SUMF1: variants seen among roughly 807,000 people sequenced by gnomAD.
SUMF1 encodes formylglycine-generating enzyme.
SUMF1 carries 48 observed loss-of-function variants against 47.6 expected under a neutral mutation model. The ratio of observed to expected loss-of-function variants is 1.01; its 90% CI spans 0.80 to 1.28. SUMF1 has a LOEUF of 1.28. Among genes scored for constraint, SUMF1 ranks in the 50% most tolerant of loss-of-function variants. The pLI, the probability that SUMF1 is intolerant of heterozygous loss-of-function variation, is 0.00. For missense variants in SUMF1, 571 were observed against 485.4 expected, an observed-to-expected ratio of 1.18 and a Z score of -1.66; for synonymous variants, 230 against 192.1, an observed-to-expected ratio of 1.20 and a Z score of -1.63.
intron 8 of SUMF1, chr3:4,316,313 T>G (rs1417960266): frequency 1.7e-6 from 2 of 1,164,184 alleles, no homozygotes; most frequent in Non-Finnish European, 2.5e-6. Flanking sequence ...ACATCAACAA[T>G]GCATTTGGCC....
rs572152969 is a variant in SUMF1 at position 4,158,541 on chromosome 3, G to T, written c.1015-89796C>A. 2.6e-5 allele frequency among the ~76,000 whole-genome samples: 4 copies of T among 151,400 alleles called. No individual in the cohort carries two copies. The South Asian group carries it at 8.3e-4, about 32-fold the overall frequency. ...TGGATCTGTCCAGTGCTGAAAGTGGGGTGTTGAAGTCTCTAGCTATTGTTG... is the reference window on the plus strand; with the variant it reads ...TGGATCTGTCCAGTGCTGAAAGTGGTGTGTTGAAGTCTCTAGCTATTGTTG... On this transcript the variant is annotated intron_variant and NMD_transcript_variant, in intron 8 of 12. Transcript: ENST00000448413.
intron 8 of SUMF1, among the ~76,000 whole-genome samples, chr3:4,367,374 C>G (rs1463789714): frequency 6.6e-6 from 1 of 152,190 alleles, no homozygotes; most frequent in African/African-American, 2.4e-5. Flanking sequence ...TGGGCTCCAC[C>G]CATTTCGAGC....
intron 6 of SUMF1, among the ~76,000 whole-genome samples, chr3:4,415,182 A>T (rs572739298): frequency 1.8e-4 from 26 of 146,532 alleles, no homozygotes; most frequent in Non-Finnish European, 3.6e-4. Context: ...AGCCACGATC[A>T]CGCCACTGCA....
chr3:4,253,279 C>T (rs945524031), intron 8 of SUMF1, among the ~76,000 whole-genome samples: 1 of 152,258 alleles, frequency 6.6e-6, no homozygotes, highest in African/African-American at 2.4e-5. Context: ...CGAATAGGAA[C>T]AGCTCCGGTC....
intron 8 of SUMF1, among the ~76,000 whole-genome samples, chr3:4,189,241 T>C (rs116628373): frequency 0.03 from 4,605 of 152,182 alleles, 108 homozygotes; most frequent in African/African-American, 0.057. Context: ...GGGTCCAAAA[T>C]TGGGAGAGGA....
chr3:4,327,852 T>C (rs1698976371), intron 8 of SUMF1, among the ~76,000 whole-genome samples: 1 of 152,172 alleles, frequency 6.6e-6, no homozygotes, highest in Non-Finnish European at 1.5e-5. Flanking sequence ...ACACTTGATA[T>C]CACAAAATAG....
intron 8 of SUMF1, among the ~76,000 whole-genome samples, chr3:4,216,793 G>A (rs548193329): frequency 1.4e-4 from 21 of 152,160 alleles, no homozygotes; most frequent in Non-Finnish European, 2.6e-4. Flanking sequence ...TCAGAGAAAC[G>A]CAAATCAAAA....
chr3:4,253,554 C>A (rs62258110), intron 8 of SUMF1, among the ~76,000 whole-genome samples: 1 of 151,172 alleles, frequency 6.6e-6, no homozygotes, highest in Non-Finnish European at 1.5e-5. Context: ...CTTTTCAGAC[C>A]GGCTTAAAAA....
At chr3:4,057,543 G>A (rs747743737) in intron 9 of SUMF1, among the ~76,000 whole-genome samples, 30 of 152,176 alleles carry the variant, frequency 2.0e-4, no homozygotes, top group Non-Finnish European at 7.3e-5. Flanking sequence ...GCCAACCTGG[G>A]TCAGCCTAGC....
intron 8 of SUMF1, among the ~76,000 whole-genome samples, chr3:4,348,337 C>A (rs141532241): frequency 3.3e-5 from 5 of 152,064 alleles, no homozygotes; most frequent in Admixed American, 6.6e-5. Flanking sequence ...GACATATAGA[C>A]CAATGGAGCA....
intron 8 of SUMF1, among the ~76,000 whole-genome samples, chr3:4,340,881 T>TA (rs1472734055): frequency 6.6e-6 from 1 of 152,356 alleles, no homozygotes; most frequent in East Asian, 1.9e-4. Flanking sequence ...TTTGTTTTTT[T>TA]ATTCCTGAAA....
Position 4,124,070 on chromosome 3 carries a change from G to C in SUMF1, c.1015-55325C>G, listed in dbSNP as rs556062267. Among the ~76,000 whole-genome samples, 43 of 152,270 alleles carry C rather than the reference G, an allele frequency of 2.8e-4. 3 individuals are homozygous for C. Among genetic ancestry groups the C allele is most frequent in the African/African-American group, 1.0e-3 (42 of 41,564 alleles). ...AGACCCCTGTTGATAAATAAAACAA[G>C]AGGTTGTGAATAAAGCAATAACACT... On this transcript the variant is annotated intron_variant and NMD_transcript_variant, in intron 8 of 12. Transcript: ENST00000448413.
chr3:4,065,249 G>A (rs1184940588), intron 9 of SUMF1, among the ~76,000 whole-genome samples: 1 of 152,044 alleles, frequency 6.6e-6, no homozygotes. Context: ...CAATGAGACA[G>A]AGAAGCAATT....
chr3:4,444,420 A>C (rs927016981), intron 3 of SUMF1, among the ~76,000 whole-genome samples: 2 of 152,244 alleles, frequency 1.3e-5, no homozygotes, highest in African/African-American at 2.4e-5. Flanking sequence ...GAGAGCTAAA[A>C]TGGAAAGAGT....
At chr3:4,265,410 G>T (rs932562662) in intron 8 of SUMF1, among the ~76,000 whole-genome samples, 1 of 151,606 alleles carries the variant, frequency 6.6e-6, no homozygotes, top group Non-Finnish European at 1.5e-5. Context: ...CCATTTTTTT[G>T]GCAACAATGA....
rs1034140168 is a variant in SUMF1, at chr3:4,066,552, T to A, written c.1191+2017A>T. Among the ~76,000 whole-genome samples, 3 of 152,146 alleles carry A rather than the reference T, an allele frequency of 2.0e-5. No homozygotes were observed. In the South Asian group the frequency reaches 6.2e-4, roughly 32 times the overall value. Reference sequence around the variant, plus strand: ...GCTTCCCAGATAGTATCAAGGAAACTGAAACTCACCAGATCGGTGAGATGC... The same window carrying A: ...GCTTCCCAGATAGTATCAAGGAAACAGAAACTCACCAGATCGGTGAGATGC... On this transcript the variant is annotated intron_variant and NMD_transcript_variant, in intron 9 of 12. Transcript: ENST00000448413.
At chr3:4,082,278 G>A (rs1436834930) in intron 8 of SUMF1, among the ~76,000 whole-genome samples, 2 of 151,934 alleles carry the variant, frequency 1.3e-5, no homozygotes, top group Non-Finnish European at 2.9e-5. Context: ...GACCAGCCTA[G>A]GCCACACAGT....
At chr3:4,243,883 G>A (rs1696600775) in intron 8 of SUMF1, among the ~76,000 whole-genome samples, 1 of 151,550 alleles carries the variant, frequency 6.6e-6, no homozygotes, top group Non-Finnish European at 1.5e-5. Context: ...CGGTTATTAT[G>A]TAGGAATCTA....
intron 8 of SUMF1, among the ~76,000 whole-genome samples, chr3:4,211,718 T>C (rs1695799459): frequency 6.6e-6 from 1 of 152,130 alleles, no homozygotes; most frequent in African/African-American, 2.4e-5. Flanking sequence ...AAATATCACT[T>C]CATCCTCACC....
Sources: allele counts gnomAD v4.1 joint callset (sites outside exome capture counted in the v4.1 genomes callset), GRCh38; gene constraint gnomAD v4.1.1; transcripts MANE v1.5; gene names NCBI Gene and HGNC (gene_info 2026-07-23, HGNC 2026-07-21).